Variants in BBS9 observed in about 807,000 individuals in gnomAD.
BBS9 encodes Bardet-Biedl syndrome 9, also known as protein PTHB1.
Under a neutral mutation model 117.7 loss-of-function variants are expected in BBS9, and 89 were observed. The observed-to-expected ratio is 0.76, with a 90% CI of 0.64 to 0.90. The LOEUF (loss-of-function observed/expected upper bound fraction) is 0.90, where lower values mean the gene tolerates loss of function less well. Ranked by LOEUF, BBS9 falls within the 40% of genes least tolerant of loss-of-function variation. BBS9 has a pLI of 0.00. For synonymous variants in BBS9, 379 were observed against 370.9 expected, an observed-to-expected ratio of 1.02 and a Z score of -0.25; for missense variants, 982 against 1,042.2, an observed-to-expected ratio of 0.94 and a Z score of 0.80.
chr7:33,514,857 A>G (rs1360880288), intron 20 of BBS9, among the ~76,000 whole-genome samples: 3 of 152,136 alleles, frequency 2.0e-5, no homozygotes, highest in Non-Finnish European at 4.4e-5. Flanking sequence ...ATAATAATAC[A>G]GTGGTGCTAA....
intron 9 of BBS9, among the ~76,000 whole-genome samples, chr7:33,328,398 A>G (rs1464551989): frequency 1.3e-5 from 2 of 152,234 alleles, no homozygotes; most frequent in Non-Finnish European, 2.9e-5. Context: ...CTTCTGTTGT[A>G]TAGCAGATGC....
intron 9 of BBS9, among the ~76,000 whole-genome samples, chr7:33,296,072 C>T (rs1461051359): frequency 6.6e-6 from 1 of 152,098 alleles, no homozygotes; most frequent in Non-Finnish European, 1.5e-5. Context: ...ATTAAACCTA[C>T]TTATACGTTG....
At chr7:33,603,699 C>T (rs751978560) in intron 21 of BBS9, among the ~76,000 whole-genome samples, 19 of 152,012 alleles carry the variant, frequency 1.2e-4, no homozygotes, top group African/African-American at 1.2e-4. Context: ...TTGTCATTTT[C>T]GGGTATGGCT....
chr7:33,348,970 T>A (rs2128660650), intron 12 of BBS9, 98 bp from the exon 13 acceptor site: 2 of 843,226 alleles, frequency 2.4e-6, no homozygotes, highest in East Asian at 5.3e-5. Context: ...TCAGGTAATA[T>A]TTTCTAATTA....
intron 19 of BBS9, among the ~76,000 whole-genome samples, chr7:33,471,022 G>A (rs1054851113): frequency 2.0e-5 from 3 of 152,160 alleles, no homozygotes; most frequent in African/African-American, 7.2e-5. Flanking sequence ...TCATTAACCA[G>A]TCTTCAATGT....
At chr7:33,290,839 G>T (rs1803903447) in intron 9 of BBS9, among the ~76,000 whole-genome samples, 1 of 152,010 alleles carries the variant, frequency 6.6e-6, no homozygotes, top group Non-Finnish European at 1.5e-5. Context: ...ATAAATAGGT[G>T]GTCCATTAAA....
intron 5 of BBS9, among the ~76,000 whole-genome samples, chr7:33,216,124 A>G (rs571584456): frequency 6.6e-6 from 1 of 152,232 alleles, no homozygotes; most frequent in Non-Finnish European, 1.5e-5. Flanking sequence ...AAGGCAATGC[A>G]TATTTCTGAC....
intron 21 of BBS9, among the ~76,000 whole-genome samples, chr7:33,622,979 TAGG>T (rs1346253007): frequency 6.6e-6 from 1 of 152,180 alleles, no homozygotes; most frequent in Non-Finnish European, 1.5e-5. Flanking sequence ...GGAACACATG[TAGG>T]AGAATGTCTT....
chr7:33,369,509 G>A (rs1822455565), intron 17 of BBS9, among the ~76,000 whole-genome samples: 1 of 152,144 alleles, frequency 6.6e-6, no homozygotes, highest in Non-Finnish European at 1.5e-5. Flanking sequence ...ACTTAGCATA[G>A]TGTAGGTACA....
At chr7:33,382,249 CAGG>C (rs1196852944) in intron 17 of BBS9, among the ~76,000 whole-genome samples, 2 of 152,080 alleles carry the variant, frequency 1.3e-5, no homozygotes, top group Non-Finnish European at 2.9e-5. Flanking sequence ...ATCACGAGGT[CAGG>C]AGTTTGAGAC....
At chr7:33,267,587 C>G (rs1045255059) in intron 7 of BBS9, among the ~76,000 whole-genome samples, 2 of 151,874 alleles carry the variant, frequency 1.3e-5, no homozygotes, top group Non-Finnish European at 2.9e-5. Flanking sequence ...CACAGTCTAC[C>G]TTCAGGTGAT....
intron 20 of BBS9, among the ~76,000 whole-genome samples, chr7:33,511,257 GTAAACAGCT>G (rs1846921871): frequency 6.6e-6 from 1 of 152,044 alleles, no homozygotes; most frequent in African/African-American, 2.4e-5. Context: ...CATTATCTTA[GTAAACAGCT>G]TAAATGACTA....
intron 17 of BBS9, among the ~76,000 whole-genome samples, chr7:33,383,223 A>G (rs780832698): frequency 9.2e-5 from 14 of 152,238 alleles, no homozygotes; most frequent in Non-Finnish European, 1.2e-4. Context: ...TCATGATTAC[A>G]GTGAATTATG....
intron 11 of BBS9, among the ~76,000 whole-genome samples, chr7:33,344,082 T>G (rs1401291549): frequency 2.3e-5 from 3 of 131,742 alleles, no homozygotes; most frequent in Non-Finnish European, 3.3e-5. Context: ...GGATGAGTTT[T>G]TTTTTTTTTT....
At position 33,604,931 on chromosome 7, in the gene BBS9, T is replaced by G; in HGVS notation, c.2588T>G (p.Leu863Arg). The change falls in exon 22 of 23, where the codon CTG (leucine) becomes CGG (arginine). Residue 863 changes from leucine (L) to arginine (R), a missense_variant. Leu to Arg is a moderately radical substitution (Grantham distance 102). Coordinates refer to ENST00000242067, the MANE Select transcript of BBS9 (RefSeq NM_198428.3). ...TCAGTAGAACAAGACTCTACAGAAC[T>G]GTTTACCAACCACAGACATCTCACT... is the stretch of plus-strand genomic sequence containing the variant. ...ERSVEQDSTE[L>R]FTNHRHLTAE... is the part of the protein sequence containing the mutation. The G allele has an allele frequency of 1.2e-6, 2 of 1,613,874 alleles. No individual in the cohort carries two copies. Among genetic ancestry groups the G allele is most frequent in the Non-Finnish European group, 1.7e-6 (2 of 1,179,826 alleles).
intron 5 of BBS9, among the ~76,000 whole-genome samples, chr7:33,185,352 G>A (rs1454026395): frequency 6.6e-6 from 1 of 151,054 alleles, no homozygotes; most frequent in African/African-American, 2.4e-5. Context: ...TTCTGACAAA[G>A]CTATGAATGA....
At chr7:33,580,358 A>G (rs960236487) in intron 21 of BBS9, among the ~76,000 whole-genome samples, 1 of 151,828 alleles carries the variant, frequency 6.6e-6, no homozygotes, top group Non-Finnish European at 1.5e-5. Flanking sequence ...TTCAGGGACA[A>G]TGGGAGAAAT....
chr7:33,198,193 A>C (rs1785240303), intron 5 of BBS9, among the ~76,000 whole-genome samples: 1 of 152,082 alleles, frequency 6.6e-6, no homozygotes, highest in Non-Finnish European at 1.5e-5. Flanking sequence ...GTACTATTTA[A>C]TATGGAAACA....
chr7:33,622,983 A>G (rs1277384905), intron 21 of BBS9, among the ~76,000 whole-genome samples: 1 of 152,226 alleles, frequency 6.6e-6, no homozygotes, highest in Non-Finnish European at 1.5e-5. Flanking sequence ...CACATGTAGG[A>G]GAATGTCTTT....
Sources: gnomAD v4.1 joint callset for allele counts (sites outside exome capture counted in the v4.1 genomes callset) on GRCh38, gnomAD v4.1.1 for gene constraint, MANE v1.5 for transcripts, NCBI Gene and HGNC (gene_info 2026-07-23, HGNC 2026-07-21) for gene names.